CD36: variants seen among roughly 807,000 people sequenced by gnomAD.
CD36 encodes the protein CD36 molecule (CD36 blood group).
CD36 carries 119 observed loss-of-function variants against 55.2 expected under a neutral mutation model. The observed-to-expected ratio is 2.15, with a 90% CI of 1.86 to 2.51. The LOEUF is 2.51. Ranked by LOEUF, CD36 falls within the 30% of genes most tolerant of loss-of-function variation. The pLI is 0.00. For synonymous variants in CD36, 186 were observed against 193.6 expected (o/e 0.96, Z 0.33); for missense variants, 819 against 555.5 (o/e 1.47, Z -4.77).
intron 7 of CD36, among the ~76,000 whole-genome samples, chr7:80,664,882 TTGTGTAGTAGA>T (rs973199100): frequency 7.3e-5 from 11 of 151,372 alleles, no homozygotes; most frequent in African/African-American, 2.7e-4. Context: ...CATCAACTGA[TTGTGTAGTAGA>T]TGGAAACTTT....
intron 1 of CD36, among the ~76,000 whole-genome samples, chr7:80,641,219 AC>A (rs1794787719): frequency 6.6e-6 from 1 of 152,096 alleles, no homozygotes; most frequent in Non-Finnish European, 1.5e-5. Context: ...ATAAAGAATG[AC>A]CTAATGACCT....
At chr7:80,654,805 A>C (rs903367720) in intron 3 of CD36, among the ~76,000 whole-genome samples, 11 of 152,046 alleles carry the variant, frequency 7.2e-5, no homozygotes, top group Non-Finnish European at 1.6e-4. Flanking sequence ...TATTCCCTAC[A>C]TTAAGCAATA....
At chr7:80,670,320 A>T (rs760652316) in intron 9 of CD36, 1 of 401,574 alleles carries the variant, frequency 2.5e-6, no homozygotes, top group African/African-American at 2.1e-5. Context: ...TGCAAATGTA[A>T]CAGAACTGTG....
intron 4 of CD36, among the ~76,000 whole-genome samples, chr7:80,658,412 G>A (rs926637404): frequency 1.5e-5 from 2 of 136,996 alleles, no homozygotes; most frequent in African/African-American, 4.9e-5. Flanking sequence ...TGTGAGGAAA[G>A]AAAATAGTTG....
chr7:80,668,679 AATT>A, intron 8 of CD36, among the ~76,000 whole-genome samples: 2 of 152,284 alleles, frequency 1.3e-5, no homozygotes, highest in Middle Eastern at 6.8e-3. Context: ...ATTTTTCTTT[AATT>A]ATTAAGGAAA....
chr7:80,629,564 C>T (rs1339574711), intron 1 of CD36, among the ~76,000 whole-genome samples: 1 of 152,002 alleles, frequency 6.6e-6, no homozygotes, highest in African/African-American at 2.4e-5. Flanking sequence ...TGGAAACTAA[C>T]CAGCCAAGCA....
At chr7:80,630,842 A>G (rs182590186) in intron 1 of CD36, among the ~76,000 whole-genome samples, 2 of 152,178 alleles carry the variant, frequency 1.3e-5, no homozygotes, top group Non-Finnish European at 2.9e-5. Flanking sequence ...GAAAATAAAT[A>G]CGCTTAGAGT....
chr7:80,613,000 GA>G (rs1792958561), intron 1 of CD36, among the ~76,000 whole-genome samples: 1 of 151,972 alleles, frequency 6.6e-6, no homozygotes, highest in Admixed American at 6.6e-5. Context: ...AAAATGAGTA[GA>G]AATATTGACA....
intron 1 of CD36, among the ~76,000 whole-genome samples, chr7:80,619,245 T>A (rs1465675014): frequency 6.6e-6 from 1 of 152,166 alleles, no homozygotes; most frequent in Non-Finnish European, 1.5e-5. Context: ...ATAAAAGGAT[T>A]TCTTTCAAAA....
intron 10 of CD36, among the ~76,000 whole-genome samples, chr7:80,671,531 T>C (rs953432771): frequency 1.3e-5 from 2 of 152,118 alleles, no homozygotes; most frequent in East Asian, 3.9e-4. Context: ...CATCCTGTTA[T>C]TCATCTGTCC....
At chr7:80,653,119 G>T (rs1318556333) in intron 3 of CD36, among the ~76,000 whole-genome samples, 2 of 152,112 alleles carry the variant, frequency 1.3e-5, no homozygotes, top group African/African-American at 4.8e-5. Context: ...TAATTTCATT[G>T]TTGGCCACTT....
intron 1 of CD36, among the ~76,000 whole-genome samples, chr7:80,605,139 A>C (rs1191208728): frequency 2.0e-5 from 3 of 152,164 alleles, no homozygotes; most frequent in African/African-American, 7.2e-5. Flanking sequence ...CTGGATATCT[A>C]CTTTAAGACT....
intron 3 of CD36, among the ~76,000 whole-genome samples, chr7:80,648,638 A>C (rs569077638): frequency 6.6e-6 from 1 of 152,240 alleles, no homozygotes; most frequent in South Asian, 2.1e-4. Context: ...ATTGTAAGCT[A>C]TAACCAGGGG....
chr7:80,663,424 A>AT (rs761564236), intron 6 of CD36, among the ~76,000 whole-genome samples: 19 of 152,010 alleles, frequency 1.2e-4, no homozygotes, highest in Non-Finnish European at 2.2e-4. Flanking sequence ...TAAATACACA[A>AT]TTTTTTTTAA....
chr7:80,610,636 G>A (rs925244759), intron 1 of CD36, among the ~76,000 whole-genome samples: 7 of 151,964 alleles, frequency 4.6e-5, no homozygotes, highest in Non-Finnish European at 8.8e-5. Context: ...GGGCGGTGGC[G>A]TGATCTCGGC....
chr7:80,627,417 G>A (rs1312990521), intron 1 of CD36, among the ~76,000 whole-genome samples: 1 of 151,528 alleles, frequency 6.6e-6, no homozygotes, highest in Non-Finnish European at 1.5e-5. Context: ...CCTTGCTTAA[G>A]CCTCCAATTA....
chr7:80,673,338 TTC>T lies in CD36; in HGVS notation c.1200-16_1200-15del, dbSNP rs756735863. On this transcript the variant is annotated splice_polypyrimidine_tract_variant and intron_variant, in intron 12 of 14. Transcript: ENST00000447544. ...ATTAGTTTATATGTTCATAATTATT[TTC>T]AACGTATATTACAGAGTATTAAAGA... is the stretch of plus-strand genomic sequence containing the variant. 51 of 1,175,226 alleles carry T rather than the reference TTC, an allele frequency of 4.3e-5. No homozygotes were observed. The East Asian group carries it at 7.4e-4, about 17-fold the overall frequency. 72.8% of individuals were successfully genotyped at this position (1,175,226 alleles called of 1,614,324 possible). A position where few individuals can be genotyped will look rare whatever the true frequency, so the allele number is the denominator to read the frequency against.
At chr7:80,667,747 G>GTTTTTTGTTTTTTTT (rs1363671181) in intron 8 of CD36, among the ~76,000 whole-genome samples, 4 of 82,636 alleles carry the variant, frequency 4.8e-5, no homozygotes, top group African/African-American at 1.7e-4. Flanking sequence ...GTTTTCTTTT[G>GTTTTTTGTTTTTTTT]TTTTTTTTTT....
chr7:80,639,932 A>G (rs1017578786), intron 1 of CD36: 1 of 152,038 alleles, frequency 6.6e-6, no homozygotes, highest in Non-Finnish European at 1.5e-5. Flanking sequence ...AACTGGAGGT[A>G]CTTGCACAGA....
Sources: allele counts gnomAD v4.1 joint callset (sites outside exome capture counted in the v4.1 genomes callset), GRCh38; gene constraint gnomAD v4.1.1; transcripts MANE v1.5; gene names NCBI Gene and HGNC (gene_info 2026-07-23, HGNC 2026-07-21).